IGSF5: variants seen among roughly 807,000 people sequenced by gnomAD.
The protein encoded by IGSF5 is immunoglobulin superfamily member 5.
A neutral mutation model predicts 39.4 loss-of-function variants in IGSF5; 41 were observed. The observed-to-expected ratio is 1.04, with a 90% CI of 0.81 to 1.35. The LOEUF is 1.35. Ranked by LOEUF, IGSF5 falls within the 40% of genes most tolerant of loss-of-function variation. The probability of loss-of-function intolerance (pLI) is 0.00; values close to 1 mark genes in which losing one functional copy is unlikely to be tolerated. For missense variants in IGSF5, 487 were observed against 494.6 expected (o/e 0.98, Z 0.15); for synonymous variants, 183 against 175.3 (o/e 1.04, Z -0.34).
the IGSF5 span, among the ~76,000 whole-genome samples, chr21:39,735,160 C>A: frequency 6.6e-6 from 1 of 152,240 alleles, no homozygotes; most frequent in South Asian, 2.1e-4. Context: ...AGCCACTGTA[C>A]CTGGCCAAAG....
Position 39,801,739 on chromosome 21 carries a change from A to G in IGSF5, c.*382A>G, listed in dbSNP as rs1264846952. On this transcript the variant is annotated 3_prime_UTR_variant, in exon 9 of 9. Coordinates refer to ENST00000380588, the MANE Select transcript of IGSF5 (RefSeq NM_001080444.2). ...CTGAAAGCATATGAAGATGATATTT[A>G]TGTATATTTAATATGTAGGGGTATT... 1 of 162,122 alleles carries G rather than the reference A, an allele frequency of 6.2e-6. No individual in the cohort carries two copies. 10.0% of individuals were successfully genotyped at this position (162,122 alleles called of 1,614,324 possible). A position where few individuals can be genotyped will look rare whatever the true frequency, so the allele number is the denominator to read the frequency against.
the IGSF5 span, among the ~76,000 whole-genome samples, chr21:39,713,939 A>C: frequency 6.6e-6 from 1 of 152,230 alleles, no homozygotes; most frequent in Non-Finnish European, 1.5e-5. Context: ...TAATGTGTCC[A>C]CATAGTGGAC....
At chr21:39,726,973 C>T in the IGSF5 span, among the ~76,000 whole-genome samples, 1 of 152,186 alleles carries the variant, frequency 6.6e-6, no homozygotes, top group African/African-American at 2.4e-5. Context: ...AGCAAAGTTG[C>T]CAGCTGAGGG....
At chr21:39,757,186 G>C (rs538590847) in intron 2 of IGSF5, among the ~76,000 whole-genome samples, 3 of 152,298 alleles carry the variant, frequency 2.0e-5, no homozygotes, top group South Asian at 2.1e-4. Flanking sequence ...CCTGTTTGAA[G>C]TGGTAGCTGG....
chr21:39,784,436 A>T (rs1353180139), intron 5 of IGSF5, among the ~76,000 whole-genome samples: 3 of 152,218 alleles, frequency 2.0e-5, no homozygotes, highest in Non-Finnish European at 4.4e-5. Context: ...CCCACACAGG[A>T]TATGCAGAAG....
chr21:39,762,539 A>T (rs987222244), intron 2 of IGSF5, among the ~76,000 whole-genome samples: 1 of 152,170 alleles, frequency 6.6e-6, no homozygotes, highest in African/African-American at 2.4e-5. Context: ...GCACAGAGAG[A>T]ATAGATCATA....
At position 39,779,213 on chromosome 21, in the gene IGSF5, G is replaced by A. The variant is rs1343905651; in HGVS notation, c.842G>A (p.Cys281Tyr). 2 of 1,614,150 alleles carry A rather than the reference G, an allele frequency of 1.2e-6. No homozygotes were observed. The highest frequency in any genetic ancestry group is 1.7e-5 in the Admixed American group (1 of 60,016). ...LAGTMLLTPT[C>Y]TLTIRCCCCR... ...GGCACCATGCTTCTGACGCCGACGT[G>A]TACTCTTACAATACGCTGCTGCTGC... The change falls in exon 5 of 9, where the codon TGT becomes TAT. Residue 281 changes from cysteine (C) to tyrosine (Y), a missense_variant. Physicochemically the swap from Cys to Tyr is radical, Grantham distance 194 (BLOSUM62 -2). Coordinates refer to ENST00000380588, the MANE Select transcript of IGSF5 (RefSeq NM_001080444.2).
chr21:39,791,095 A>G (rs2086961772), intron 6 of IGSF5, among the ~76,000 whole-genome samples: 2 of 152,162 alleles, frequency 1.3e-5, no homozygotes, highest in African/African-American at 4.8e-5. Flanking sequence ...ATCTAGTCCT[A>G]AAAGCTGGGC....
chr21:39,753,880 G>A (rs2080017363), intron 2 of IGSF5, among the ~76,000 whole-genome samples: 1 of 151,684 alleles, frequency 6.6e-6, no homozygotes, highest in South Asian at 2.1e-4. Context: ...GTGCTTAGGT[G>A]TTAGCTGAAT....
At chr21:39,730,837 C>T in the IGSF5 span, among the ~76,000 whole-genome samples, 1 of 152,178 alleles carries the variant, frequency 6.6e-6, no homozygotes, top group South Asian at 2.1e-4. Flanking sequence ...GTTCAAGGCC[C>T]CTTTGAGTTT....
intron 2 of IGSF5, among the ~76,000 whole-genome samples, chr21:39,752,678 G>C (rs750021031): frequency 3.9e-5 from 6 of 152,032 alleles, no homozygotes; most frequent in Non-Finnish European, 7.4e-5. Context: ...TTATGGCTTT[G>C]TCTTTTATGA....
chr21:39,771,864 A>C (rs1477341516), intron 4 of IGSF5, among the ~76,000 whole-genome samples: 1 of 152,190 alleles, frequency 6.6e-6, no homozygotes, highest in Non-Finnish European at 1.5e-5. Context: ...TGGGCCCGGG[A>C]TGCTGGAGAT....
At chr21:39,793,318 G>A (rs2086976260) in intron 7 of IGSF5, among the ~76,000 whole-genome samples, 1 of 152,044 alleles carries the variant, frequency 6.6e-6, no homozygotes, top group South Asian at 2.1e-4. Flanking sequence ...AGAAAGAAAT[G>A]GATTTTGAGT....
intron 2 of IGSF5, among the ~76,000 whole-genome samples, chr21:39,757,232 G>A (rs1041989784): frequency 1.3e-5 from 2 of 151,818 alleles, no homozygotes; most frequent in Non-Finnish European, 2.9e-5. Context: ...CACACCTATT[G>A]CCACCTTCTA....
chr21:39,723,687 C>A, the IGSF5 span, among the ~76,000 whole-genome samples: 1 of 152,066 alleles, frequency 6.6e-6, no homozygotes, highest in African/African-American at 2.4e-5. Context: ...GAATGTATTC[C>A]CTAAAGCAAG....
rs972132607 is a variant in IGSF5 at position 39,771,215 on chromosome 21, G to A, written c.718G>A (p.Asp240Asn). The A allele has an allele frequency of 6.4e-7, 1 of 1,551,184 alleles. No individual in the cohort carries two copies. Among genetic ancestry groups the A allele is most frequent in the Non-Finnish European group, 8.7e-7 (1 of 1,145,152 alleles). The change falls in exon 4 of 9, where the codon GAC becomes AAC. Residue 240 changes from aspartate (D) to asparagine (N), a missense_variant and splice_region_variant. Asp to Asn is a conservative substitution (Grantham distance 23, BLOSUM62 1). Coordinates refer to ENST00000380588, the MANE Select transcript of IGSF5 (RefSeq NM_001080444.2). ...TCTCACTGTGATTCGGTGTCCCCAA[G>A]GTAAGTGAAGACATTCTGCTTTATA... ...VNLTVIRCPQ[D>N]TGGGINIPGV...
chr21:39,793,116 CA>C (rs1569259875), intron 7 of IGSF5, among the ~76,000 whole-genome samples: 1 of 151,968 alleles, frequency 6.6e-6, no homozygotes, highest in Non-Finnish European at 1.5e-5. Context: ...ATAATCTGAC[CA>C]CAGCTTCTTG....
the IGSF5 span, among the ~76,000 whole-genome samples, chr21:39,738,224 A>AG: frequency 7.9e-5 from 12 of 152,128 alleles, no homozygotes; most frequent in Non-Finnish European, 1.2e-4. This position sits in a 1 kb window ranked among gnomAD's most constrained non-coding sequence, Gnocchi z 6.4. Flanking sequence ...TCATGACAGA[A>AG]GGCAAAGGCA....
the IGSF5 span, among the ~76,000 whole-genome samples, chr21:39,718,703 T>C: frequency 1.3e-5 from 2 of 152,242 alleles, no homozygotes; most frequent in South Asian, 4.1e-4. Flanking sequence ...TGAAGCCTAC[T>C]TGTTTGTGGT....
Sources: allele counts gnomAD v4.1 joint callset (sites outside exome capture counted in the v4.1 genomes callset), GRCh38; gene constraint gnomAD v4.1.1; non-coding constraint Gnocchi (gnomAD v3.1); transcripts MANE v1.5; gene names NCBI Gene and HGNC (gene_info 2026-07-23, HGNC 2026-07-21).